Variants in PICK1 observed in about 807,000 individuals in gnomAD.
PICK1 encodes the protein PRKCA-binding protein.
In PICK1, 23 loss-of-function variants were observed where a neutral mutation model predicts 48.9. The observed-to-expected ratio is 0.47, with a 90% CI of 0.34 to 0.67. The LOEUF is 0.67. Ranked by LOEUF, PICK1 falls within the 30% of genes least tolerant of loss-of-function variation. PICK1 has a pLI of 0.01. For synonymous variants in PICK1, 217 were observed against 228.2 expected (o/e 0.95, Z 0.44); for missense variants, 423 against 557.1 (o/e 0.76, Z 2.42).
At chr22:38,071,328 A>G (rs1266846814) in intron 7 of PICK1, among the ~76,000 whole-genome samples, 1 of 152,192 alleles carries the variant, frequency 6.6e-6, no homozygotes, top group Non-Finnish European at 1.5e-5. Context: ...TGGGCAATAG[A>G]GCAAGACCCT....
At chr22:38,070,038 G>A (rs1303085572) in intron 6 of PICK1, among the ~76,000 whole-genome samples, 2 of 152,222 alleles carry the variant, frequency 1.3e-5, no homozygotes, top group Non-Finnish European at 2.9e-5. Context: ...CAGGCCTGGA[G>A]GCCACCGGGT....
At chr22:38,067,292 C>G (rs1020001177) in intron 4 of PICK1, among the ~76,000 whole-genome samples, 1 of 146,444 alleles carries the variant, frequency 6.8e-6, no homozygotes, top group Non-Finnish European at 1.5e-5. Context: ...CTGGCCCTTA[C>G]TGGGGCTTAG....
chr22:38,071,881 T>A, intron 8 of PICK1, 137 bp downstream of exon 8: 1 of 768,638 alleles, frequency 1.3e-6, no homozygotes, highest in Non-Finnish European at 2.3e-6. Flanking sequence ...GGTGCTGGGA[T>A]TTGCGATGGG....
Position 38,074,392 on chromosome 22 carries a change from G to T in PICK1, c.920G>T (p.Arg307Leu). 3.7e-6 allele frequency: 6 copies of T among 1,613,030 alleles called. No homozygotes were observed. The highest frequency in any genetic ancestry group is 5.1e-6 in the Non-Finnish European group (6 of 1,179,944). ...CGCTGCCGCCAGGAGGCGCGCGCCC[G>T]CTTCTCCCAGATGCGCAAGGATGTG... ...ILRCRQEARA[R>L]FSQMRKDVLE... The change falls in exon 12 of 13, where the codon CGC (arginine) becomes CTC (leucine). Residue 307 changes from arginine to leucine, a missense_variant. Around this residue, in one of 2 missense-constraint regions of PICK1, gnomAD observed 279 missense variants for 417.8 expected, o/e 0.67. Transcript: ENST00000356976. This position sits in a 1 kb window ranked among gnomAD's most constrained non-coding sequence, Gnocchi z 4.5.
intron 5 of PICK1, 22 bp from the exon 6 acceptor site, chr22:38,069,011 A>G (rs756670812): frequency 6.2e-7 from 1 of 1,601,210 alleles, no homozygotes; most frequent in South Asian, 1.1e-5. Flanking sequence ...CAGACTCACC[A>G]GGTCCTTTGT....
chr22:38,068,413 C>T (rs2085586552), intron 5 of PICK1, among the ~76,000 whole-genome samples: 1 of 152,182 alleles, frequency 6.6e-6, no homozygotes, highest in African/African-American at 2.4e-5. Context: ...CCCTGGTGAG[C>T]GCACACCTAG....
Position 38,073,097 on chromosome 22 carries a change from G to A in PICK1, c.783+5G>A. The stretch of plus-strand genomic sequence containing the variant: ...GACGTGAAGTTTGAGTACCTGGTGA[G>A]TAGTCCAGGTGCCCAGGCTGCTAGG... On this transcript the variant is annotated splice_donor_5th_base_variant and intron_variant, in intron 10 of 12. Transcript: ENST00000356976. The surrounding 1 kb of genome is among the most constrained non-coding windows in gnomAD (Gnocchi z 5.7). The A allele has an allele frequency of 6.3e-7, 1 of 1,579,216 alleles. No individual in the cohort carries two copies. The highest frequency in any genetic ancestry group is 8.7e-7 in the Non-Finnish European group (1 of 1,148,378).
At chr22:38,057,946 G>A (rs2145853454) in intron 2 of PICK1, 96 bp downstream of exon 2, 4 of 1,003,062 alleles carry the variant, frequency 4.0e-6, no homozygotes, top group South Asian at 1.3e-5. Context: ...GCTTCTCAGC[G>A]GTGGATCAGT....
chr22:38,069,466 G>C (rs1259324266), intron 6 of PICK1, among the ~76,000 whole-genome samples: 1 of 152,218 alleles, frequency 6.6e-6, no homozygotes, highest in Non-Finnish European at 1.5e-5. Flanking sequence ...AGGAGGTGGT[G>C]CTGCTGCCCT....
intron 3 of PICK1, among the ~76,000 whole-genome samples, chr22:38,064,489 C>G (rs541710369): frequency 6.6e-6 from 1 of 152,058 alleles, no homozygotes; most frequent in East Asian, 1.9e-4. Context: ...CCGCCGGGCA[C>G]GGTGGCTCAC....
rs1274037011 is a variant in PICK1 at position 38,066,029 on chromosome 22, C to G, written c.282+899C>G. ...TCCATCCTCTCTCCCCTTTATCCTC[C>G]TGTCCTGCTCCTGAGTAGTCCGTGC... On this transcript the variant is annotated intron_variant, in intron 4 of 12. Coordinates refer to ENST00000356976, the MANE Select transcript of PICK1 (RefSeq NM_012407.4). The surrounding 1 kb of genome is among the most constrained non-coding windows in gnomAD (Gnocchi z 4.1). 6.6e-6 allele frequency among the ~76,000 whole-genome samples: 1 copy of G among 152,226 alleles called. No homozygotes were observed. Among genetic ancestry groups the G allele is most frequent in the South Asian group, 2.1e-4 (1 of 4,834 alleles).
At chr22:38,067,134 C>T (rs3026688) in intron 4 of PICK1, among the ~76,000 whole-genome samples, 1 of 151,766 alleles carries the variant, frequency 6.6e-6, no homozygotes, top group South Asian at 2.1e-4. Flanking sequence ...CTGACCTGGC[C>T]GAAGCACAAG....
intron 6 of PICK1, among the ~76,000 whole-genome samples, chr22:38,069,510 G>A (rs2085622431): frequency 6.6e-6 from 1 of 152,184 alleles, no homozygotes; most frequent in African/African-American, 2.4e-5. Flanking sequence ...TGGTGGCTGC[G>A]CAGGCGAGGG....
At chr22:38,069,498 C>T (rs1601951520) in intron 6 of PICK1, among the ~76,000 whole-genome samples, 4 of 152,342 alleles carry the variant, frequency 2.6e-5, no homozygotes, top group Admixed American at 2.6e-4. Flanking sequence ...GTCCTCCCTT[C>T]GTGGTGGCTG....
intron 3 of PICK1, among the ~76,000 whole-genome samples, chr22:38,061,598 A>G (rs778902791): frequency 3.3e-5 from 5 of 152,138 alleles, no homozygotes; most frequent in Non-Finnish European, 5.9e-5. Context: ...GGGTCACTGC[A>G]GCCTTGATTT....
In PICK1 at chr22:38,057,461, G is replaced by A; in HGVS notation, c.-184G>A. ...GGTGGGTTCAGGTACCAGCCTGGCC[G>A]GGACCCGGCTGTGGGACCAACGCTT... On this transcript the variant is annotated 5_prime_UTR_variant, in exon 1 of 13. Coordinates refer to ENST00000356976, the MANE Select transcript of PICK1 (RefSeq NM_012407.4). 1 of 354,754 alleles carries A rather than the reference G, an allele frequency of 2.8e-6. No individual in the cohort carries two copies. The highest frequency in any genetic ancestry group is 5.3e-6 in the Non-Finnish European group (1 of 189,972). The allele number at this position is 354,754 out of a possible 1,614,324, so 22.0% of individuals were successfully genotyped here.
At position 38,075,489 on chromosome 22, in the gene PICK1, C is replaced by A. The variant is rs1454946339; in HGVS notation, c.*357C>A. The A allele has an allele frequency of 8.5e-6, 2 of 234,836 alleles. No individual in the cohort carries two copies. Among genetic ancestry groups the A allele is most frequent in the African/African-American group, 2.2e-5 (1 of 44,908 alleles). 14.5% of individuals were successfully genotyped at this position (234,836 alleles called of 1,614,324 possible). Reference sequence around the variant, plus strand: ...CTGCTCCTTGTGGGCGCTCACACTGCCCCCGGAGCCTGCTGGGAGTGGGGC... The same window carrying A: ...CTGCTCCTTGTGGGCGCTCACACTGACCCCGGAGCCTGCTGGGAGTGGGGC... On this transcript the variant is annotated 3_prime_UTR_variant, in exon 13 of 13. Coordinates refer to ENST00000356976, the MANE Select transcript of PICK1 (RefSeq NM_012407.4).
At position 38,074,859 on chromosome 22, in the gene PICK1, C is replaced by T; in HGVS notation, c.980-5C>T. 6.2e-7 allele frequency: 1 copy of T among 1,611,064 alleles called. No individual in the cohort carries two copies. The highest frequency in any genetic ancestry group is 8.5e-7 in the Non-Finnish European group (1 of 1,179,944). ...TGCAGCCTGTCCCCCGACCTCCCAC[C>T]CCAGTCCAGGACATCGTGTTCCAGC... On this transcript the variant is annotated splice_polypyrimidine_tract_variant and splice_region_variant and intron_variant, in intron 12 of 12. Transcript: ENST00000356976. The surrounding 1 kb of genome is among the most constrained non-coding windows in gnomAD (Gnocchi z 4.5).
intron 7 of PICK1, 87 bp from the exon 8 acceptor site, chr22:38,071,595 G>A: frequency 8.6e-7 from 1 of 1,168,650 alleles, no homozygotes; most frequent in South Asian, 1.2e-5. Context: ...GAGGCCTTGG[G>A]TGGCATGGGC....
Sources: gnomAD v4.1 joint callset for allele counts (sites outside exome capture counted in the v4.1 genomes callset) on GRCh38, gnomAD v4.1.1 for gene constraint, gnomAD v4.1.1 regional missense constraint, Gnocchi (gnomAD v3.1) non-coding constraint, MANE v1.5 for transcripts, NCBI Gene and HGNC (gene_info 2026-07-23, HGNC 2026-07-21) for gene names.